Variants in FILIP1L observed in about 807,000 individuals in gnomAD.
FILIP1L encodes the protein filamin A interacting protein 1 like.
In FILIP1L, 55 loss-of-function variants were observed where a neutral mutation model predicts 96.6. That is an observed-to-expected ratio of 0.57 (90% CI 0.46 to 0.71). The LOEUF is 0.71. Ranked by LOEUF, FILIP1L falls within the 30% of genes least tolerant of loss-of-function variation. The pLI is 0.00. For synonymous variants in FILIP1L, 467 were observed against 473.9 expected, an observed-to-expected ratio of 0.99 and a Z score of 0.19; for missense variants, 1,304 against 1,321.2, an observed-to-expected ratio of 0.99 and a Z score of 0.20.
At chr3:99,963,766 C>T (rs750442952) in intron 1 of FILIP1L, among the ~76,000 whole-genome samples, 8 of 151,960 alleles carry the variant, frequency 5.3e-5, no homozygotes, top group South Asian at 2.1e-4. Flanking sequence ...TACAGGCACA[C>T]GCCACCATGC....
chr3:100,017,550 T>C lies in FILIP1L; in HGVS notation c.-10-86520A>G, dbSNP rs114858478. Among the ~76,000 whole-genome samples the C allele has an allele frequency of 6.8e-3, 1,034 of 152,340 alleles. 15 individuals are homozygous for C. Among genetic ancestry groups the C allele is most frequent in the African/African-American group, 0.024 (977 of 41,574 alleles). On this transcript the variant is annotated intron_variant, in intron 1 of 5. Coordinates refer to ENST00000477258, the MANE Select transcript of FILIP1L (RefSeq NM_001387850.1). ...GAGTGAAATTATTGTATATGTACTT[T>C]GTGCTGTCAGCAACATGTATCCTGA...
intron 5 of FILIP1L, among the ~76,000 whole-genome samples, chr3:99,835,072 A>G (rs758418909): frequency 7.9e-5 from 12 of 152,062 alleles, no homozygotes; most frequent in Non-Finnish European, 1.8e-4. Context: ...TCATAATCCT[A>G]ACTTCTTTGA....
intron 1 of FILIP1L, among the ~76,000 whole-genome samples, chr3:99,936,147 A>G (rs1317613405): frequency 6.6e-6 from 1 of 152,094 alleles, no homozygotes; most frequent in Non-Finnish European, 1.5e-5. Context: ...TTTTGCTTGT[A>G]TCAAGTAAGT....
At chr3:99,985,260 G>A (rs1026339752) in intron 1 of FILIP1L, among the ~76,000 whole-genome samples, 1 of 152,140 alleles carries the variant, frequency 6.6e-6, no homozygotes, top group African/African-American at 2.4e-5. Context: ...GGCCCATCAT[G>A]GTGGCTCACG....
intron 5 of FILIP1L, among the ~76,000 whole-genome samples, chr3:99,830,992 T>C (rs983252546): frequency 1.4e-4 from 22 of 152,214 alleles, no homozygotes; most frequent in Non-Finnish European, 2.9e-5. Context: ...GCATTTGACT[T>C]GGGCCTTCAG....
intron 1 of FILIP1L, among the ~76,000 whole-genome samples, chr3:100,059,425 G>A (rs1299946320): frequency 1.3e-5 from 2 of 152,060 alleles, no homozygotes; most frequent in Admixed American, 1.3e-4. Flanking sequence ...GCTTTCCCCT[G>A]CTTCTTCACT....
intron 4 of FILIP1L, among the ~76,000 whole-genome samples, chr3:99,888,079 C>G (rs928095863): frequency 3.3e-5 from 5 of 152,152 alleles, no homozygotes; most frequent in African/African-American, 1.2e-4. Flanking sequence ...TAGGTACTAT[C>G]TTCGGACAAT....
At chr3:100,085,656 A>G (rs2065997301) in intron 1 of FILIP1L, among the ~76,000 whole-genome samples, 1 of 152,192 alleles carries the variant, frequency 6.6e-6, no homozygotes, top group African/African-American at 2.4e-5. Context: ...TGAGGGAATG[A>G]AGTGCCTTTC....
rs148553578 is a variant in FILIP1L at position 100,082,898 on chromosome 3, A to G, written c.-11+31155T>C. 4.6e-3 allele frequency among the ~76,000 whole-genome samples: 694 copies of G among 152,342 alleles called. 7 individuals carry two copies. Among genetic ancestry groups the G allele is most frequent in the African/African-American group, 0.016 (679 of 41,582 alleles). ...TTATTTTGTGAGAATGGCCTATTGT[A>G]CATTCCACAATCTGTAGAATTAGCT... On this transcript the variant is annotated intron_variant, in intron 1 of 5. Transcript: ENST00000477258.
chr3:99,931,976 A>C (rs1425807913), intron 1 of FILIP1L, among the ~76,000 whole-genome samples: 2 of 152,228 alleles, frequency 1.3e-5, no homozygotes, highest in African/African-American at 4.8e-5. Context: ...CATCATCGCC[A>C]GTACCTTACT....
At chr3:100,068,123 A>T (rs1054904813) in intron 1 of FILIP1L, among the ~76,000 whole-genome samples, 1 of 152,238 alleles carries the variant, frequency 6.6e-6, no homozygotes, top group Non-Finnish European at 1.5e-5. Context: ...GTAAAACTCC[A>T]AGGCAATCAG....
At chr3:100,056,503 G>A (rs529021175) in intron 1 of FILIP1L, among the ~76,000 whole-genome samples, 1 of 152,172 alleles carries the variant, frequency 6.6e-6, no homozygotes, top group East Asian at 1.9e-4. Context: ...ATCTGCTCTT[G>A]TTGAGCTAGA....
intron 5 of FILIP1L, among the ~76,000 whole-genome samples, chr3:99,832,543 T>TA (rs746255036): frequency 0.013 from 531 of 42,414 alleles, 6 homozygotes; most frequent in African/African-American, 0.046. Context: ...CCCAAATCTT[T>TA]AAAAAAAAAA....
chr3:99,858,693 A>T (rs1053859910), intron 4 of FILIP1L, among the ~76,000 whole-genome samples: 2 of 152,208 alleles, frequency 1.3e-5, no homozygotes, highest in African/African-American at 4.8e-5. Flanking sequence ...ATCACACGTC[A>T]TGGAGCCTCT....
rs767030505 is a variant in FILIP1L at position 99,829,510 on chromosome 3, G to T, written c.*904C>A. ...TTATCAGAACTGGAAGGGACCTGAG[G>T]AATTATTTCACTTTCCTGTTTTACA... On this transcript the variant is annotated 3_prime_UTR_variant, in exon 6 of 6. Coordinates refer to ENST00000477258, the MANE Select transcript of FILIP1L (RefSeq NM_001387850.1). Among the ~76,000 whole-genome samples the T allele has an allele frequency of 1.3e-5, 2 of 152,168 alleles. No homozygotes were observed. The highest frequency in any genetic ancestry group is 2.9e-5 in the Non-Finnish European group (2 of 68,020).
chr3:99,876,083 G>A, intron 4 of FILIP1L: 1 of 986,490 alleles, frequency 1.0e-6, no homozygotes, highest in South Asian at 4.6e-5. Context: ...TGAACTGCCT[G>A]CGCCGGGGCC....
At chr3:99,904,810 C>T (rs1221386975) in intron 4 of FILIP1L, among the ~76,000 whole-genome samples, 1 of 152,150 alleles carries the variant, frequency 6.6e-6, no homozygotes, top group African/African-American at 2.4e-5. Flanking sequence ...GGCTTTTCCC[C>T]CTAATTTCAC....
intron 1 of FILIP1L, among the ~76,000 whole-genome samples, chr3:100,095,507 A>G (rs2066189768): frequency 6.6e-6 from 1 of 152,230 alleles, no homozygotes; most frequent in Admixed American, 6.5e-5. Context: ...TACCGAGAAC[A>G]TGCATTGGAG....
intron 4 of FILIP1L, among the ~76,000 whole-genome samples, chr3:99,906,803 G>A (rs1274075526): frequency 6.6e-6 from 1 of 152,054 alleles, no homozygotes; most frequent in Admixed American, 6.6e-5. Flanking sequence ...AGAAGAGATG[G>A]TCATCCCTAA....
Sources: allele counts gnomAD v4.1 joint callset (sites outside exome capture counted in the v4.1 genomes callset), GRCh38; gene constraint gnomAD v4.1.1; transcripts MANE v1.5; gene names NCBI Gene and HGNC (gene_info 2026-07-23, HGNC 2026-07-21).